Variants in TTC7A observed in about 807,000 individuals in gnomAD.
TTC7A encodes the protein tetratricopeptide repeat domain 7A.
A neutral mutation model predicts 103.7 loss-of-function variants in TTC7A; 110 were observed. That is an observed-to-expected ratio of 1.06 (90% CI 0.91 to 1.24). The LOEUF (loss-of-function observed/expected upper bound fraction) is 1.24. Ranked by LOEUF, TTC7A falls within the 50% of genes most tolerant of loss-of-function variation. TTC7A has a pLI of 0.00. For synonymous variants in TTC7A, 521 were observed against 467.9 expected (o/e 1.11, Z -1.47); for missense variants, 1,340 against 1,116.3 (o/e 1.20, Z -2.86).
At chr2:46,948,658 C>T (rs1057508424) in intron 1 of TTC7A, among the ~76,000 whole-genome samples, 33 of 152,208 alleles carry the variant, frequency 2.2e-4, no homozygotes, top group African/African-American at 7.9e-4. Context: ...CGAGGTCTCC[C>T]TATGTTGCCC....
intron 11 of TTC7A, among the ~76,000 whole-genome samples, chr2:47,017,476 G>C (rs1230814467): frequency 2.0e-5 from 3 of 152,196 alleles, no homozygotes; most frequent in Non-Finnish European, 4.4e-5. Flanking sequence ...GGTCAAGGCT[G>C]CAGTGAGCTA....
At chr2:47,061,003 T>A (rs993600098) in intron 19 of TTC7A, 32 bp downstream of exon 19, 16 of 1,550,976 alleles carry the variant, frequency 1.0e-5, no homozygotes, top group Middle Eastern at 2.2e-4. Context: ...TCCCACCACC[T>A]CCTCCCACAG....
chr2:47,058,575 T>G (rs9309141), intron 18 of TTC7A, among the ~76,000 whole-genome samples: 36,620 of 152,148 alleles, frequency 0.24, 8,485 homozygotes, highest in East Asian at 0.62. Flanking sequence ...GCTGTCAGCT[T>G]TTGCTAGGCA....
At chr2:47,066,145 G>A (rs1446913093) in intron 19 of TTC7A, 1 of 152,236 alleles carries the variant, frequency 6.6e-6, no homozygotes, top group African/African-American at 2.4e-5. Context: ...CCCCTGGAAA[G>A]ACAGGAAGAC....
intron 2 of TTC7A, among the ~76,000 whole-genome samples, chr2:46,928,458 T>TA (rs1669517298): frequency 1.3e-5 from 1 of 77,166 alleles, no homozygotes; most frequent in Non-Finnish European, 2.4e-5. Flanking sequence ...GAAAGGGAAA[T>TA]TAAAAAAAAA....
chr2:47,054,285 G>A (rs1683137663), intron 18 of TTC7A: 3 of 489,244 alleles, frequency 6.1e-6, no homozygotes, highest in Non-Finnish European at 8.0e-6. Flanking sequence ...TGACAGCCTT[G>A]ACTGGGACAG....
intron 8 of TTC7A, among the ~76,000 whole-genome samples, chr2:47,000,720 G>T (rs79134909): frequency 0.012 from 1,807 of 152,306 alleles, 16 homozygotes; most frequent in Non-Finnish European, 0.02. Context: ...TTCTGGGGTA[G>T]TTTTGCGGGG....
chr2:47,061,109 G>A (rs1461645842), intron 19 of TTC7A, 138 bp downstream of exon 19: 1 of 893,606 alleles, frequency 1.1e-6, no homozygotes, highest in African/African-American at 1.7e-5. Flanking sequence ...CTAGGGGAGG[G>A]GGCTTCCCTC....
chr2:46,999,100 G>T (rs368304923), intron 8 of TTC7A, among the ~76,000 whole-genome samples: 1 of 151,518 alleles, frequency 6.6e-6, no homozygotes, highest in Non-Finnish European at 1.5e-5. Context: ...TTCTGCATCC[G>T]CCCATCCTCC....
chr2:46,937,790 G>A (rs1572661510), upstream of TTC7A, among the ~76,000 whole-genome samples: 2 of 152,330 alleles, frequency 1.3e-5, no homozygotes, highest in East Asian at 3.9e-4. This position sits in a 1 kb window ranked among gnomAD's most constrained non-coding sequence, Gnocchi z 4.0. Flanking sequence ...GGGGTTTGGG[G>A]AAGCTGTGAA....
chr2:47,068,623 G>A (rs1365497726), intron 19 of TTC7A: 1 of 151,850 alleles, frequency 6.6e-6, no homozygotes, highest in Non-Finnish European at 1.5e-5. Context: ...GGGTATGAGG[G>A]TGTGTCCCCC....
chr2:46,922,402 G>A (rs1558473261), intron 2 of TTC7A, among the ~76,000 whole-genome samples: 1 of 152,124 alleles, frequency 6.6e-6, no homozygotes, highest in Admixed American at 6.6e-5. Context: ...GAGCTTTGAT[G>A]TTTGCTTCTA....
chr2:46,971,853 C>G (rs984420003), intron 3 of TTC7A, among the ~76,000 whole-genome samples: 1 of 151,640 alleles, frequency 6.6e-6, no homozygotes, highest in Non-Finnish European at 1.5e-5. Flanking sequence ...GACATTGATT[C>G]TTCCCGTTGG....
At chr2:47,051,468 G>T (rs1573035184) in intron 17 of TTC7A, among the ~76,000 whole-genome samples, 1 of 152,204 alleles carries the variant, frequency 6.6e-6, no homozygotes, top group East Asian at 1.9e-4. Context: ...TTCACGTAAA[G>T]AGCATCTTTG....
chr2:47,021,811 T>C (rs1327459442), intron 11 of TTC7A, 51 bp from the exon 12 acceptor site: 2 of 1,452,486 alleles, frequency 1.4e-6, no homozygotes, highest in African/African-American at 2.8e-5. Flanking sequence ...CATTCACTGG[T>C]AGAGGAAACT....
At position 46,953,875 on chromosome 2, in the gene TTC7A, C is replaced by A. The variant is rs527578412; in HGVS notation, c.349-2964C>A. ...CACAGTTCTTACTGTGTTTCTCAGG[C>A]TGGTCTCAGATTCTGGGTTTCAAGC... On this transcript the variant is annotated intron_variant, in intron 2 of 19. Transcript: ENST00000319190. 3.4e-5 allele frequency among the ~76,000 whole-genome samples: 5 copies of A among 149,084 alleles called. No individual in the cohort carries two copies. In the South Asian group the frequency reaches 1.1e-3, roughly 32 times the overall value.
rs1677785530 is a variant in TTC7A, at chr2:47,009,503, C to CT, written c.1288-1827dup. Among the ~76,000 whole-genome samples the CT allele has an allele frequency of 2.6e-5, 4 of 152,302 alleles. No homozygotes were observed. The South Asian group carries it at 6.2e-4, about 24-fold the overall frequency. ...AGTCTGAGCCAAAGCCCAGGGAAAT[C>CT]TATCACGTCTGGGTTGAGAAAAGCT... On this transcript the variant is annotated intron_variant, in intron 10 of 19. Coordinates refer to ENST00000319190, the MANE Select transcript of TTC7A (RefSeq NM_020458.4).
chr2:46,965,563 A>ATTTT (rs55634000), intron 3 of TTC7A, among the ~76,000 whole-genome samples: 1 of 135,432 alleles, frequency 7.4e-6, no homozygotes, highest in Non-Finnish European at 1.6e-5. Flanking sequence ...CCCTGGATTC[A>ATTTT]TTTTTTTTTT....
At chr2:46,938,019 G>T (rs1182214672), upstream of TTC7A, among the ~76,000 whole-genome samples, 2 of 152,076 alleles carry the variant, frequency 1.3e-5, no homozygotes, top group African/African-American at 4.8e-5. Context: ...TTGAAGCAGA[G>T]GTGATGGGAC....
Sources: gnomAD v4.1 joint callset for allele counts (sites outside exome capture counted in the v4.1 genomes callset) on GRCh38, gnomAD v4.1.1 for gene constraint, Gnocchi (gnomAD v3.1) non-coding constraint, MANE v1.5 for transcripts, NCBI Gene and HGNC (gene_info 2026-07-23, HGNC 2026-07-21) for gene names.